EYS: variants seen among roughly 807,000 people sequenced by gnomAD.
EYS encodes protein eyes shut homolog.
EYS carries 250 observed loss-of-function variants against 282.1 expected under a neutral mutation model. The observed-to-expected ratio is 0.89, with a 90% CI of 0.80 to 0.98. The LOEUF (loss-of-function observed/expected upper bound fraction) is 0.98, where lower values mean the gene tolerates loss of function less well. EYS is among the 50% of genes least tolerant of loss of function. EYS has a pLI of 0.00. For missense variants in EYS, 4,016 were observed against 3,709.0 expected, an observed-to-expected ratio of 1.08 and a Z score of -2.15; for synonymous variants, 1,355 against 1,282.9, an observed-to-expected ratio of 1.06 and a Z score of -1.20.
At chr6:63,907,249 T>C (rs952969922) in intron 35 of EYS, among the ~76,000 whole-genome samples, 1 of 152,170 alleles carries the variant, frequency 6.6e-6, no homozygotes, top group African/African-American at 2.4e-5. Context: ...TCCCCTTTCT[T>C]TCTAATATAT....
intron 29 of EYS, among the ~76,000 whole-genome samples, chr6:64,363,446 T>C (rs1325181793): frequency 6.6e-6 from 1 of 151,902 alleles, no homozygotes; most frequent in Non-Finnish European, 1.5e-5. Context: ...TGTTTTCATG[T>C]CTTGATCACG....
In EYS at chr6:63,795,133, C is replaced by A. The variant is rs190020208; in HGVS notation, c.7412-5909G>T. On this transcript the variant is annotated intron_variant, in intron 37 of 42. Coordinates refer to ENST00000503581, the MANE Select transcript of EYS (RefSeq NM_001142800.2). ...AAAGTCATAACAACTCCATCAGCAC[C>A]ATTAAGCAGTGAGTTTCAAAGTAAG... 2.0e-5 allele frequency among the ~76,000 whole-genome samples: 3 copies of A among 152,298 alleles called. No homozygotes were observed. The East Asian group carries it at 5.8e-4, about 29-fold the overall frequency.
At chr6:63,858,530 C>T (rs1772451263) in intron 36 of EYS, among the ~76,000 whole-genome samples, 1 of 152,176 alleles carries the variant, frequency 6.6e-6, no homozygotes, top group Non-Finnish European at 1.5e-5. Context: ...GGAAAGGCAA[C>T]TTCCCTCAGT....
rs1393343998 is a variant in EYS, at chr6:63,999,130, G to T, written c.6779C>A (p.Ala2260Glu). Residue 2260 changes from alanine to glutamate, a missense_variant, in exon 34 of 43, where the codon GCA becomes GAA. Ala to Glu is a moderately radical substitution (Grantham distance 107). Coordinates refer to ENST00000503581, the MANE Select transcript of EYS (RefSeq NM_001142800.2). ...CTTCTGTACTGGAGGTTTTCCATCT[G>T]CAGTCATTTCAATCATACAAACAAC... ...PGVVCMIEMT[A>E]DGKPPVQKKD... 1.3e-6 allele frequency: 2 copies of T among 1,551,614 alleles called. No homozygotes were observed. Among genetic ancestry groups the T allele is most frequent in the Non-Finnish European group, 1.7e-6 (2 of 1,146,912 alleles).
intron 12 of EYS, among the ~76,000 whole-genome samples, chr6:65,277,231 A>T (rs2089003): frequency 6.6e-6 from 1 of 151,960 alleles, no homozygotes; most frequent in Non-Finnish European, 1.5e-5. Context: ...TCAGGAGATC[A>T]AGACCTTCCT....
intron 2 of EYS, among the ~76,000 whole-genome samples, chr6:65,628,307 G>T (rs558980974): frequency 6.6e-6 from 1 of 152,238 alleles, no homozygotes; most frequent in South Asian, 2.1e-4. Flanking sequence ...ATCTAATGGG[G>T]ATGTGAAGAA....
chr6:64,713,560 G>A (rs1771278725), intron 22 of EYS, among the ~76,000 whole-genome samples: 1 of 152,058 alleles, frequency 6.6e-6, no homozygotes, highest in South Asian at 2.1e-4. Context: ...ACTCCTTAAG[G>A]CATCAGCAGC....
intron 26 of EYS, 117 bp downstream of exon 26, chr6:64,590,106 C>T: frequency 1.2e-6 from 1 of 843,842 alleles, no homozygotes; most frequent in Non-Finnish European, 1.8e-6. Flanking sequence ...GAACTGGCTG[C>T]TGCCCTGATT....
intron 29 of EYS, among the ~76,000 whole-genome samples, chr6:64,374,598 G>GCACCCTTTCCCA (rs1772505146): frequency 1.3e-5 from 2 of 152,140 alleles, no homozygotes; most frequent in Non-Finnish European, 2.9e-5. Flanking sequence ...TCTGCTTCTT[G>GCACCCTTTCCCA]TGTTCCCCTT....
intron 2 of EYS, among the ~76,000 whole-genome samples, chr6:65,615,684 C>T (rs924749633): frequency 2.0e-5 from 3 of 151,978 alleles, no homozygotes; most frequent in Non-Finnish European, 1.5e-5. Context: ...CCTGTAATCC[C>T]AGCACTTTGG....
chr6:63,846,590 A>G (rs996602330), intron 36 of EYS, among the ~76,000 whole-genome samples: 10 of 152,254 alleles, frequency 6.6e-5, no homozygotes, highest in Admixed American at 6.5e-4. Context: ...TCTGGAAAAG[A>G]TTGGATGTTC....
In EYS at chr6:64,590,394, T is replaced by C; in HGVS notation, c.5473A>G (p.Thr1825Ala). 1 of 1,551,298 alleles carries C rather than the reference T, an allele frequency of 6.4e-7. No homozygotes were observed. Among genetic ancestry groups the C allele is most frequent in the Non-Finnish European group, 8.7e-7 (1 of 1,146,762 alleles). The change falls in exon 26 of 43, where the codon ACC becomes GCC. Residue 1825 changes from threonine (T) to alanine (A), a missense_variant. Coordinates refer to ENST00000503581, the MANE Select transcript of EYS (RefSeq NM_001142800.2). ...PDWPYFTDYM[T>A]SLKKEVKTSS... ...GTCTTGACCTCTTTTTTAAGAGAGGTCATATAATCTGTAAAATATGGCCAA... is the reference window on the plus strand; with the variant it reads ...GTCTTGACCTCTTTTTTAAGAGAGGCCATATAATCTGTAAAATATGGCCAA...
chr6:65,518,108 A>G (rs1345078306), intron 2 of EYS, among the ~76,000 whole-genome samples: 1 of 152,096 alleles, frequency 6.6e-6, no homozygotes, highest in African/African-American at 2.4e-5. Flanking sequence ...AAATGAAGAA[A>G]CTGAGTCTCA....
chr6:64,077,507 CT>C (rs1771814681), intron 32 of EYS, among the ~76,000 whole-genome samples: 1 of 151,958 alleles, frequency 6.6e-6, no homozygotes, highest in Non-Finnish European at 1.5e-5. Context: ...GTCAATTACT[CT>C]TATCTAAGAT....
At chr6:65,681,900 T>C (rs1768837186) in intron 1 of EYS, among the ~76,000 whole-genome samples, 1 of 151,932 alleles carries the variant, frequency 6.6e-6, no homozygotes, top group Non-Finnish European at 1.5e-5. Flanking sequence ...ATATAGTGCC[T>C]CTACCTGTCA....
intron 1 of EYS, among the ~76,000 whole-genome samples, chr6:65,669,219 A>G (rs1768299378): frequency 6.6e-6 from 1 of 151,966 alleles, no homozygotes; most frequent in East Asian, 1.9e-4. Context: ...TCTAAACTAC[A>G]GGCGATGAAT....
At chr6:65,068,358 A>T (rs142140489) in intron 12 of EYS, among the ~76,000 whole-genome samples, 62 of 152,192 alleles carry the variant, frequency 4.1e-4, no homozygotes, top group African/African-American at 1.4e-3. Flanking sequence ...TTCTGCTGAC[A>T]TATTATTATT....
intron 2 of EYS, among the ~76,000 whole-genome samples, chr6:65,634,446 G>C (rs1767020265): frequency 6.6e-6 from 1 of 151,716 alleles, no homozygotes; most frequent in African/African-American, 2.4e-5. Context: ...TTAGGATTCA[G>C]CATTTTACTC....
At chr6:64,446,600 A>C (rs747037740) in intron 26 of EYS, among the ~76,000 whole-genome samples, 1 of 151,894 alleles carries the variant, frequency 6.6e-6, no homozygotes, top group Non-Finnish European at 1.5e-5. Context: ...ATAAAATTCT[A>C]TATCAATTTT....
Sources: allele counts gnomAD v4.1 joint callset (sites outside exome capture counted in the v4.1 genomes callset), GRCh38; gene constraint gnomAD v4.1.1; transcripts MANE v1.5; gene names NCBI Gene and HGNC (gene_info 2026-07-23, HGNC 2026-07-21).